PTPRZ1: variants seen among roughly 807,000 people sequenced by gnomAD.
PTPRZ1 encodes protein tyrosine phosphatase receptor type Z1.
A neutral mutation model predicts 214.1 loss-of-function variants in PTPRZ1; 82 were observed. The ratio of observed to expected loss-of-function variants is 0.38; its 90% CI spans 0.32 to 0.46. PTPRZ1 has a LOEUF of 0.46. PTPRZ1 is among the 20% of genes least tolerant of loss of function. The probability of loss-of-function intolerance (pLI) is 1.00; values close to 1 mark genes in which losing one functional copy is unlikely to be tolerated. For synonymous variants in PTPRZ1, 945 were observed against 987.9 expected (o/e 0.96, Z 0.81); for missense variants, 2,603 against 2,748.7 (o/e 0.95, Z 1.19).
intron 3 of PTPRZ1, among the ~76,000 whole-genome samples, chr7:121,969,712 C>A (rs376660259): frequency 2.6e-5 from 4 of 151,758 alleles, no homozygotes; most frequent in African/African-American, 9.7e-5. Flanking sequence ...TGTCCCAAAT[C>A]TTGACATTAT....
intron 2 of PTPRZ1, among the ~76,000 whole-genome samples, chr7:121,952,016 T>A (rs1796558376): frequency 1.3e-5 from 2 of 151,056 alleles, no homozygotes; most frequent in Admixed American, 6.7e-5. Context: ...TGGAGTGCAG[T>A]GACGCGATCT....
At chr7:121,978,521 C>T (rs192570247) in intron 6 of PTPRZ1, among the ~76,000 whole-genome samples, 60 of 152,174 alleles carry the variant, frequency 3.9e-4, no homozygotes, top group African/African-American at 1.1e-3. Context: ...GGAGAAACTG[C>T]GGAACACTTA....
chr7:121,992,403 C>T (rs1797995821), intron 8 of PTPRZ1, among the ~76,000 whole-genome samples: 1 of 152,128 alleles, frequency 6.6e-6, no homozygotes, highest in South Asian at 2.1e-4. Context: ...CAGTGCTTTG[C>T]TTATTAATAT....
At chr7:121,993,038 T>G (rs889821538) in intron 8 of PTPRZ1, among the ~76,000 whole-genome samples, 9 of 152,082 alleles carry the variant, frequency 5.9e-5, no homozygotes, top group Admixed American at 2.0e-4. Context: ...CCAGATCACA[T>G]GTAGACATGG....
At chr7:122,022,328 A>G (rs1799041967) in intron 13 of PTPRZ1, among the ~76,000 whole-genome samples, 1 of 152,146 alleles carries the variant, frequency 6.6e-6, no homozygotes. Context: ...TTTTTGATAA[A>G]TGTGTATTCA....
chr7:121,938,596 G>GC (rs1264714925), intron 2 of PTPRZ1, among the ~76,000 whole-genome samples: 3 of 152,154 alleles, frequency 2.0e-5, no homozygotes, highest in Admixed American at 6.5e-5. Flanking sequence ...CATAAGGATG[G>GC]CCCCCGGGTC....
rs142920113 is a variant in PTPRZ1 at position 122,044,490 on chromosome 7, C to T, written c.6006C>T (p.Asp2002=). The change falls in exon 23 of 30, where the codon GAC becomes GAT. Residue 2002 remains aspartate, a synonymous_variant. Coordinates refer to ENST00000393386, the MANE Select transcript of PTPRZ1 (RefSeq NM_002851.3). ...TTAGTAAAGAAACTGAGGTGCTGGA[C>T]AGTCATATTCATGCCTATGTTAATG... ...AILSKETEVL[D]SHIHAYVNAL... The T allele has an allele frequency of 9.5e-5, 153 of 1,613,880 alleles. No individual in the cohort carries two copies. The highest frequency in any genetic ancestry group is 1.5e-4 in the Admixed American group (9 of 60,010).
chr7:121,957,295 C>G (rs1223931282), intron 2 of PTPRZ1, among the ~76,000 whole-genome samples: 1 of 152,050 alleles, frequency 6.6e-6, no homozygotes. Flanking sequence ...CCTTTCGCAT[C>G]CCCTTCAGCC....
chr7:121,974,555 T>G (rs1392015372), intron 4 of PTPRZ1, among the ~76,000 whole-genome samples: 1 of 152,180 alleles, frequency 6.6e-6, no homozygotes, highest in African/African-American at 2.4e-5. Flanking sequence ...TGGCATGATC[T>G]CGGCTCACTG....
chr7:121,982,883 C>T (rs975522421), intron 6 of PTPRZ1, among the ~76,000 whole-genome samples: 2 of 152,226 alleles, frequency 1.3e-5, no homozygotes, highest in Admixed American at 6.5e-5. Flanking sequence ...AAGCGACTCA[C>T]TCTCCTGCCT....
At chr7:122,054,251 A>G (rs1792280858) in intron 26 of PTPRZ1, among the ~76,000 whole-genome samples, 1 of 152,202 alleles carries the variant, frequency 6.6e-6, no homozygotes, top group African/African-American at 2.4e-5. Flanking sequence ...GAAAGTAGAT[A>G]TAAATGAACT....
chr7:121,878,591 G>A (rs1794136234), intron 1 of PTPRZ1, among the ~76,000 whole-genome samples: 1 of 152,216 alleles, frequency 6.6e-6, no homozygotes, highest in Non-Finnish European at 1.5e-5. Context: ...AGGTTGAACA[G>A]AAGAGATTAA....
chr7:121,903,895 T>A (rs1795039857), intron 1 of PTPRZ1, among the ~76,000 whole-genome samples: 1 of 151,806 alleles, frequency 6.6e-6, no homozygotes, highest in Admixed American at 6.6e-5. Context: ...AATAGCAGAA[T>A]AAATTAAATT....
chr7:121,934,103 G>A (rs932908097), intron 2 of PTPRZ1, among the ~76,000 whole-genome samples: 12 of 152,144 alleles, frequency 7.9e-5, no homozygotes, highest in African/African-American at 2.2e-4. Flanking sequence ...TCTAGATGTG[G>A]ATGAAACCAT....
rs113548358 is a variant in PTPRZ1 at position 121,910,323 on chromosome 7, C to G, written c.59-17833C>G. 2.8e-3 allele frequency among the ~76,000 whole-genome samples: 429 copies of G among 152,270 alleles called. 1 individual carries two copies. The highest frequency in any genetic ancestry group is 9.6e-3 in the African/African-American group (398 of 41,548). On this transcript the variant is annotated intron_variant, in intron 1 of 29. Transcript: ENST00000393386. ...GCATCTGCCTTATTCCGCTCTAATG[C>G]TTTTCTCCATAGTGTTTATCACCTT...
At chr7:122,046,670 G>A (rs1343082821) in intron 23 of PTPRZ1, among the ~76,000 whole-genome samples, 5 of 152,126 alleles carry the variant, frequency 3.3e-5, no homozygotes, top group Admixed American at 2.0e-4. Flanking sequence ...CACCATGATC[G>A]AGAATTCAGG....
intron 1 of PTPRZ1, among the ~76,000 whole-genome samples, chr7:121,891,521 T>C (rs1794621281): frequency 6.9e-6 from 1 of 144,076 alleles, no homozygotes; most frequent in Non-Finnish European, 1.5e-5. Context: ...CTGATATCAC[T>C]GCTTCTTTTT....
intron 4 of PTPRZ1, among the ~76,000 whole-genome samples, chr7:121,973,940 G>GAAAAAAAAAAAA (rs371692415): frequency 1.0e-4 from 9 of 86,176 alleles, no homozygotes; most frequent in African/African-American, 1.3e-4. Context: ...TCTCAAAAAA[G>GAAAAAAAAAAAA]AAAAAAAAAA....
At chr7:122,060,639 CA>C (rs1292691307) in intron 29 of PTPRZ1, among the ~76,000 whole-genome samples, 1 of 152,132 alleles carries the variant, frequency 6.6e-6, no homozygotes, top group African/African-American at 2.4e-5. Flanking sequence ...TTGCATTCTA[CA>C]TGGGTTCCTG....
Sources: gnomAD v4.1 joint callset for allele counts (sites outside exome capture counted in the v4.1 genomes callset) on GRCh38, gnomAD v4.1.1 for gene constraint, MANE v1.5 for transcripts, NCBI Gene and HGNC (gene_info 2026-07-23, HGNC 2026-07-21) for gene names.